The following MCTP1 variants were observed in gnomAD, a reference collection of about 807,000 sequenced individuals.
The protein encoded by MCTP1 is multiple C2 and transmembrane domain containing 1.
Under a neutral mutation model 120.6 loss-of-function variants are expected in MCTP1, and 69 were observed. The observed-to-expected ratio is 0.57, with a 90% confidence interval of 0.47 to 0.70. MCTP1 has a LOEUF of 0.70. MCTP1 is among the 30% of genes least tolerant of loss of function. The probability of loss-of-function intolerance (pLI) is 0.00; values close to 1 mark genes in which losing one functional copy is unlikely to be tolerated. For missense variants in MCTP1, 1,203 were observed against 1,248.8 expected (o/e 0.96, Z 0.55); for synonymous variants, 529 against 493.1 (o/e 1.07, Z -0.96).
chr5:95,028,533 A>C (rs753675984), intron 1 of MCTP1, among the ~76,000 whole-genome samples: 1 of 152,150 alleles, frequency 6.6e-6, no homozygotes, highest in Non-Finnish European at 1.5e-5. Flanking sequence ...AACACTGATT[A>C]CTCACCCGTG....
intron 2 of MCTP1, among the ~76,000 whole-genome samples, chr5:95,013,875 G>A (rs1489526764): frequency 6.6e-6 from 1 of 152,052 alleles, no homozygotes; most frequent in African/African-American, 2.4e-5. Context: ...CATTCTGTAA[G>A]GCTATAGCTG....
intron 1 of MCTP1, among the ~76,000 whole-genome samples, chr5:95,080,424 A>C (rs1754631191): frequency 6.6e-6 from 1 of 152,216 alleles, no homozygotes; most frequent in African/African-American, 2.4e-5. Context: ...ATAATGAAAC[A>C]ATCTCCAAGC....
intron 17 of MCTP1, among the ~76,000 whole-genome samples, chr5:94,848,400 C>T (rs946012068): frequency 6.6e-6 from 1 of 151,968 alleles, no homozygotes; most frequent in African/African-American, 2.4e-5. Context: ...GGTCACCCTC[C>T]GAGAAAATGC....
At chr5:95,200,665 G>A (rs1358927822) in intron 1 of MCTP1, among the ~76,000 whole-genome samples, 1 of 152,174 alleles carries the variant, frequency 6.6e-6, no homozygotes, top group Non-Finnish European at 1.5e-5. Flanking sequence ...CATGGATTAG[G>A]GAGATGTTGG....
intron 1 of MCTP1, among the ~76,000 whole-genome samples, chr5:95,144,926 C>T (rs775209940): frequency 2.0e-5 from 3 of 151,984 alleles, no homozygotes; most frequent in Non-Finnish European, 4.4e-5. Flanking sequence ...TTTCCTACTT[C>T]TGTGGAAAAA....
chr5:94,832,551 C>T (rs1788754900), intron 17 of MCTP1, among the ~76,000 whole-genome samples: 1 of 151,752 alleles, frequency 6.6e-6, no homozygotes, highest in Non-Finnish European at 1.5e-5. Context: ...CCAGCTTATC[C>T]TTTGACTTCT....
intron 17 of MCTP1, among the ~76,000 whole-genome samples, chr5:94,866,777 CA>C (rs549468571): frequency 4.9e-4 from 74 of 149,746 alleles, no homozygotes; most frequent in Non-Finnish European, 8.5e-4. Flanking sequence ...AAGGAAATTG[CA>C]AAAAAAAGGC....
intron 2 of MCTP1, among the ~76,000 whole-genome samples, chr5:95,008,810 G>T (rs769455510): frequency 6.6e-6 from 1 of 152,084 alleles, no homozygotes; most frequent in Non-Finnish European, 1.5e-5. Flanking sequence ...TGGAGTCAGA[G>T]ATTACAGTGA....
rs546846235 is a variant in MCTP1 at position 95,001,577 on chromosome 5, G to A, written c.838+15790C>T. Among the ~76,000 whole-genome samples the A allele has an allele frequency of 2.6e-5, 4 of 152,330 alleles. No homozygotes were observed. The South Asian group carries it at 6.2e-4, about 24-fold the overall frequency. ...GAAATGAGGAGCTTTCTGGGAACCA[G>A]CATAAAGGTGACTCTTGCTATGCTT... On this transcript the variant is annotated intron_variant, in intron 2 of 22. Transcript: ENST00000515393.
At chr5:95,087,344 A>G (rs1406509056) in intron 1 of MCTP1, among the ~76,000 whole-genome samples, 1 of 152,230 alleles carries the variant, frequency 6.6e-6, no homozygotes, top group East Asian at 1.9e-4. Flanking sequence ...TGTCAGAAGG[A>G]TGCAAACTCA....
intron 10 of MCTP1, among the ~76,000 whole-genome samples, chr5:94,896,477 A>G (rs1258341779): frequency 6.6e-6 from 1 of 151,678 alleles, no homozygotes. Flanking sequence ...TTTTTTATAT[A>G]ATGCTGCAGC....
intron 18 of MCTP1, among the ~76,000 whole-genome samples, chr5:94,794,027 C>T (rs1779501085): frequency 6.6e-6 from 1 of 152,198 alleles, no homozygotes; most frequent in Non-Finnish European, 1.5e-5. Flanking sequence ...GCTAACTAAA[C>T]ACTTCAGTAT....
intron 1 of MCTP1, among the ~76,000 whole-genome samples, chr5:95,203,613 C>T (rs1009212729): frequency 2.6e-5 from 4 of 152,082 alleles, no homozygotes; most frequent in African/African-American, 9.7e-5. Context: ...AGCATAAATG[C>T]ACATTTAAAA....
chr5:94,716,549 C>G (rs72773583), intron 19 of MCTP1, among the ~76,000 whole-genome samples: 38 of 152,292 alleles, frequency 2.5e-4, no homozygotes, highest in Non-Finnish European at 5.4e-4. Flanking sequence ...CAGCTAAGTT[C>G]ATTTATGTCT....
chr5:94,844,277 G>A (rs1228856640), intron 17 of MCTP1, among the ~76,000 whole-genome samples: 4 of 123,768 alleles, frequency 3.2e-5, no homozygotes, highest in African/African-American at 1.2e-4. Flanking sequence ...ACTCCAGCCT[G>A]GGCGACAGAG....
rs376053804 is a variant in MCTP1 at position 94,865,421 on chromosome 5, T to C, written c.2436+2912A>G. Among the ~76,000 whole-genome samples the C allele has an allele frequency of 1.4e-3, 214 of 151,978 alleles. 6 individuals are homozygous for C. In the South Asian group the frequency reaches 0.041, roughly 29 times the overall value. ...GGCCTAAAACCAAGCCACATAATGA[T>C]AGAAATGCCTGTGCTCTGTGAGGCA... On this transcript the variant is annotated intron_variant, in intron 17 of 22. Coordinates refer to ENST00000515393, the MANE Select transcript of MCTP1 (RefSeq NM_024717.7).
At chr5:94,750,228 T>C (rs936980813) in intron 19 of MCTP1, among the ~76,000 whole-genome samples, 1 of 152,246 alleles carries the variant, frequency 6.6e-6, no homozygotes, top group Non-Finnish European at 1.5e-5. Context: ...TGATCATATC[T>C]CATCATTGCT....
At chr5:94,726,894 C>T (rs1186421678) in intron 19 of MCTP1, among the ~76,000 whole-genome samples, 1 of 151,970 alleles carries the variant, frequency 6.6e-6, no homozygotes, top group Admixed American at 6.6e-5. Flanking sequence ...GGGTCTTCCC[C>T]AAAACTAACC....
rs540710922 is a variant in MCTP1 at position 94,827,358 on chromosome 5, A to C, written c.2437-28226T>G. Among the ~76,000 whole-genome samples the C allele has an allele frequency of 1.1e-4, 17 of 152,218 alleles. No individual in the cohort carries two copies. In the East Asian group the frequency reaches 2.9e-3, roughly 26 times the overall value. ...GGTCCACTGTTAGTCTGATAGGCTT[A>C]CCTTTGTGGGTAACCCGATCTTTCT... is the stretch of plus-strand genomic sequence containing the variant. On this transcript the variant is annotated intron_variant, in intron 17 of 22. Coordinates refer to ENST00000515393, the MANE Select transcript of MCTP1 (RefSeq NM_024717.7).
Sources: gnomAD v4.1 joint callset for allele counts (sites outside exome capture counted in the v4.1 genomes callset) on GRCh38, gnomAD v4.1.1 for gene constraint, MANE v1.5 for transcripts, NCBI Gene and HGNC (gene_info 2026-07-23, HGNC 2026-07-21) for gene names.